RHOJ: variants seen among roughly 807,000 people sequenced by gnomAD.
RHOJ encodes the protein rho-related GTP-binding protein RhoJ.
Under a neutral mutation model 23.4 loss-of-function variants are expected in RHOJ, and 11 were observed. The ratio of observed to expected loss-of-function variants is 0.47; its 90% CI spans 0.30 to 0.78. The LOEUF (loss-of-function observed/expected upper bound fraction) is 0.78. RHOJ is among the 30% of genes least tolerant of loss of function. RHOJ has a pLI of 0.08. For missense variants in RHOJ, 254 were observed against 273.4 expected, an observed-to-expected ratio of 0.93 and a Z score of 0.50; for synonymous variants, 102 against 102.7, an observed-to-expected ratio of 0.99 and a Z score of 0.04.
At chr14:63,219,515 G>A (rs751529230) in intron 1 of RHOJ, among the ~76,000 whole-genome samples, 1 of 151,806 alleles carries the variant, frequency 6.6e-6, no homozygotes, top group Non-Finnish European at 1.5e-5. Flanking sequence ...TTTGGTAAGT[G>A]CATTAAGAGT....
At chr14:63,261,027 C>CA (rs928279062) in intron 1 of RHOJ, among the ~76,000 whole-genome samples, 7 of 152,034 alleles carry the variant, frequency 4.6e-5, no homozygotes, top group Non-Finnish European at 8.8e-5. Context: ...AATGGCTTTC[C>CA]AAAAAAATGA....
rs900662058 is a variant in RHOJ, at chr14:63,276,485, T to C, written c.238-4486T>C. Among the ~76,000 whole-genome samples the C allele has an allele frequency of 2.6e-5, 4 of 152,336 alleles. 1 individual carries two copies. Among genetic ancestry groups the C allele is most frequent in the African/African-American group, 9.6e-5 (4 of 41,576 alleles). On this transcript the variant is annotated intron_variant, in intron 2 of 4. Transcript: ENST00000316754. ...TAATTTCATGTATTTTCATTTTCTT[T>C]CCCCAACTGAATTGCCAATTCTTAT... is the stretch of plus-strand genomic sequence containing the variant.
intron 4 of RHOJ, chr14:63,284,279 C>A (rs1882007596): frequency 1.0e-6 from 1 of 984,462 alleles, no homozygotes; most frequent in Non-Finnish European, 1.2e-6. Context: ...AGGTATCCTG[C>A]ATGAGAACCT....
At chr14:63,261,372 G>C (rs1010416588) in intron 1 of RHOJ, among the ~76,000 whole-genome samples, 2 of 151,722 alleles carry the variant, frequency 1.3e-5, no homozygotes, top group African/African-American at 4.8e-5. Context: ...CTTTTCTATA[G>C]GACAGTAATC....
At chr14:63,227,708 G>T (rs141526686) in intron 1 of RHOJ, among the ~76,000 whole-genome samples, 218 of 152,268 alleles carry the variant, frequency 1.4e-3, no homozygotes, top group Non-Finnish European at 2.8e-3. Flanking sequence ...GGGGACTTTC[G>T]CAGAAGAAAA....
chr14:63,282,367 A>AT (rs1248193837), intron 3 of RHOJ, among the ~76,000 whole-genome samples: 9 of 152,070 alleles, frequency 5.9e-5, no homozygotes, highest in African/African-American at 2.2e-4. Context: ...GGACCCTAAT[A>AT]TATTGGTCTT....
chr14:63,252,993 G>A (rs759697584), intron 1 of RHOJ, among the ~76,000 whole-genome samples: 1 of 152,180 alleles, frequency 6.6e-6, no homozygotes, highest in Non-Finnish European at 1.5e-5. Flanking sequence ...AACTATTTAG[G>A]TTGGCATTTG....
chr14:63,239,313 T>C (rs1894844346), intron 1 of RHOJ, among the ~76,000 whole-genome samples: 1 of 152,156 alleles, frequency 6.6e-6, no homozygotes, highest in South Asian at 2.1e-4. Context: ...GGTTTCGCCA[T>C]GTTGGCCAGG....
intron 1 of RHOJ, among the ~76,000 whole-genome samples, chr14:63,262,573 C>G (rs1350696166): frequency 6.6e-6 from 1 of 152,224 alleles, no homozygotes; most frequent in African/African-American, 2.4e-5. Context: ...CAGAAAGCAA[C>G]ACTAATAGCT....
chr14:63,277,382 C>A (rs530526431), intron 2 of RHOJ, among the ~76,000 whole-genome samples: 2 of 152,324 alleles, frequency 1.3e-5, no homozygotes, highest in South Asian at 4.1e-4. Context: ...GCCGTGTTCT[C>A]AACTCCAGGT....
At chr14:63,226,891 A>T (rs1218168371) in intron 1 of RHOJ, among the ~76,000 whole-genome samples, 1 of 152,216 alleles carries the variant, frequency 6.6e-6, no homozygotes, top group Non-Finnish European at 1.5e-5. Context: ...ACTAAGACCT[A>T]TTCCTAATAC....
chr14:63,290,530 C>A (rs1487352318), intron 4 of RHOJ, among the ~76,000 whole-genome samples: 1 of 152,036 alleles, frequency 6.6e-6, no homozygotes, highest in Non-Finnish European at 1.5e-5. Context: ...TAAATTATAT[C>A]ATTGGTTTTG....
intron 1 of RHOJ, among the ~76,000 whole-genome samples, chr14:63,252,176 AG>A (rs1895083779): frequency 6.6e-6 from 1 of 152,144 alleles, no homozygotes; most frequent in South Asian, 2.1e-4. Flanking sequence ...GCTCCAGGGG[AG>A]AATTCATTCC....
rs149638683 is a variant in RHOJ at position 63,282,013 on chromosome 14, C to A, written c.402+878C>A. 5.9e-5 allele frequency among the ~76,000 whole-genome samples: 9 copies of A among 152,224 alleles called. 1 individual carries two copies. In the East Asian group the frequency reaches 1.7e-3, roughly 29 times the overall value. ...TTCCTGAAGAAGATATGGACAGGTACACAGTAGATGTATTTACTTAGAGAA... is the reference window on the plus strand; with the variant it reads ...TTCCTGAAGAAGATATGGACAGGTAAACAGTAGATGTATTTACTTAGAGAA... On this transcript the variant is annotated intron_variant, in intron 3 of 4. Transcript: ENST00000316754.
At chr14:63,227,912 C>T (rs1209365068) in intron 1 of RHOJ, among the ~76,000 whole-genome samples, 1 of 152,228 alleles carries the variant, frequency 6.6e-6, no homozygotes, top group African/African-American at 2.4e-5. Flanking sequence ...TAAAAATGTG[C>T]TCACATGGTC....
intron 1 of RHOJ, among the ~76,000 whole-genome samples, chr14:63,263,166 A>C (rs1320549429): frequency 6.6e-6 from 1 of 152,214 alleles, no homozygotes; most frequent in Non-Finnish European, 1.5e-5. Context: ...CAGAGATGGT[A>C]GGTGACTTTC....
intron 1 of RHOJ, among the ~76,000 whole-genome samples, chr14:63,210,809 G>A (rs1894219422): frequency 6.6e-6 from 1 of 152,338 alleles, no homozygotes; most frequent in African/African-American, 2.4e-5. Flanking sequence ...ACATAGGTGT[G>A]TAAAATAAGC....
intron 4 of RHOJ, among the ~76,000 whole-genome samples, chr14:63,288,762 C>G (rs1008907777): frequency 2.6e-5 from 4 of 152,172 alleles, no homozygotes; most frequent in Non-Finnish European, 4.4e-5. Context: ...CATTCAGTAA[C>G]CATTCTTGTC....
chr14:63,222,890 A>T (rs1894524691), intron 1 of RHOJ, among the ~76,000 whole-genome samples: 1 of 152,176 alleles, frequency 6.6e-6, no homozygotes. Context: ...TTAGACATGA[A>T]GTCCTTGCCC....
Sources: allele counts gnomAD v4.1 joint callset (sites outside exome capture counted in the v4.1 genomes callset), GRCh38; gene constraint gnomAD v4.1.1; transcripts MANE v1.5; gene names NCBI Gene and HGNC (gene_info 2026-07-23, HGNC 2026-07-21).